The following FCRL3 variants were observed in gnomAD, a reference collection of about 807,000 sequenced individuals.
The protein encoded by FCRL3 is Fc receptor-like protein 3.
In FCRL3, 89 loss-of-function variants were observed where a neutral mutation model predicts 75.0. That is an observed-to-expected ratio of 1.19 (90% confidence interval 1.00 to 1.42). The LOEUF is 1.42. FCRL3 is among the 40% of genes most tolerant of loss of function. FCRL3 has a pLI of 0.00. For synonymous variants in FCRL3, 376 were observed against 348.5 expected, an observed-to-expected ratio of 1.08 and a Z score of -0.88; for missense variants, 946 against 880.0, an observed-to-expected ratio of 1.07 and a Z score of -0.95.
rs181686226 is a variant in FCRL3, at chr1:157,693,190, G to C, written c.1411+2139C>G. Among the ~76,000 whole-genome samples, 1,024 of 148,586 alleles carry C rather than the reference G, an allele frequency of 6.9e-3. 9 individuals carry two copies. Among genetic ancestry groups the C allele is most frequent in the African/African-American group, 0.024 (969 of 40,330 alleles). ...CTGGAGAGGCTGAGGCAGAAGAATC[G>C]CTTGAACCTGGGAGGTGGAGGTTGC... On this transcript the variant is annotated intron_variant, in intron 8 of 14. Transcript: ENST00000368184.
chr1:157,678,466 C>T lies in FCRL3; in HGVS notation c.*244G>A. 2 of 1,362,554 alleles carry T rather than the reference C, an allele frequency of 1.5e-6. No individual in the cohort carries two copies. Among genetic ancestry groups the T allele is most frequent in the Non-Finnish European group, 1.9e-6 (2 of 1,056,116 alleles). The allele number at this position is 1,362,554 out of a possible 1,614,324, so 84.4% of individuals were successfully genotyped here. A position where few individuals can be genotyped will look rare whatever the true frequency, so the allele number is the denominator to read the frequency against. On this transcript the variant is annotated 3_prime_UTR_variant, in exon 15 of 15. Transcript: ENST00000368184. ...ACAGCCCTAGGAGCTGAGGGCCCTC[C>T]TGCCTTGCCACGTGTCTCCACTGTG...
chr1:157,688,226 A>T (rs1655297545), intron 10 of FCRL3, among the ~76,000 whole-genome samples: 2 of 152,218 alleles, frequency 1.3e-5, no homozygotes, highest in South Asian at 4.1e-4. Flanking sequence ...TAGGGGTACA[A>T]ATAGGCTAAA....
At chr1:157,684,477 C>A (rs185138973) in intron 10 of FCRL3, among the ~76,000 whole-genome samples, 6 of 152,226 alleles carry the variant, frequency 3.9e-5, no homozygotes. Context: ...CCACATCAGT[C>A]AATAACCAGT....
At chr1:157,699,501 A>AG (rs1283159309) in intron 3 of FCRL3, among the ~76,000 whole-genome samples, 191 bp downstream of exon 3, 1 of 149,530 alleles carries the variant, frequency 6.7e-6, no homozygotes, top group Non-Finnish European at 1.5e-5. Context: ...TAATGTAGGG[A>AG]GAAAAAAAAA....
rs150760371 is a variant in FCRL3 at position 157,698,502 on chromosome 1, G to C, written c.180C>G (p.His60Gln). 39 of 1,614,018 alleles carry C rather than the reference G, an allele frequency of 2.4e-5. No homozygotes were observed. Among genetic ancestry groups the C allele is most frequent in the Non-Finnish European group, 3.1e-5 (36 of 1,180,028 alleles). ...SLAQGDTYWY[H>Q]DEKLLKIKHD... ...GTTTTATTTTCAACAACTTCTCATC[G>C]TGATACCAATATGTGTCTCCCTGGG... Residue 60 changes from histidine (H) to glutamine (Q), a missense_variant, in exon 4 of 15, where the codon CAC (histidine) becomes CAG (glutamine). Transcript: ENST00000368184.
intron 13 of FCRL3, chr1:157,679,333 A>C: frequency 9.5e-6 from 3 of 314,408 alleles, no homozygotes; most frequent in East Asian, 7.3e-5. Flanking sequence ...ACCCACCCCC[A>C]ATCCACTGCA....
At chr1:157,693,097 G>A (rs1038716687) in intron 8 of FCRL3, among the ~76,000 whole-genome samples, 10 of 151,754 alleles carry the variant, frequency 6.6e-5, no homozygotes, top group Non-Finnish European at 1.3e-4. Flanking sequence ...GCAACATGAC[G>A]AAAACCCGTC....
chr1:157,698,314 C>T (rs1165150479), intron 4 of FCRL3, 70 bp downstream of exon 4: 6 of 1,579,046 alleles, frequency 3.8e-6, no homozygotes. Context: ...CCTAGGATCC[C>T]TGCATTAACC....
At position 157,678,753 on chromosome 1, in the gene FCRL3, T is replaced by C. The variant is rs2282284; in HGVS notation, c.2162A>G (p.Asn721Ser). The C allele has an allele frequency of 0.054, 87,562 of 1,613,992 alleles. 2,539 individuals are homozygous for C. Among genetic ancestry groups the C allele is most frequent in the South Asian group, 0.076 (6,903 of 91,080 alleles). Reference protein sequence around the residue: ...GRAHEEDDEENYENVPRVLLA... With the variant: ...GRAHEEDDEESYENVPRVLLA... ...TAATACACGTGGTACATTCTCATAG[T>C]TTTCTTCATCATCTTCTTCATGGGC... Residue 721 changes from asparagine (N) to serine (S), a missense_variant, in exon 15 of 15, where the codon AAC (asparagine) becomes AGC (serine). By Grantham distance (46) the Asn-to-Ser change is conservative. Coordinates refer to ENST00000368184, the MANE Select transcript of FCRL3 (RefSeq NM_052939.4).
Position 157,696,226 on chromosome 1 carries a change from CTGAA to C in FCRL3, c.942_945del (p.Ser315GlyfsTer13). 6.2e-7 allele frequency: 1 copy of C among 1,614,030 alleles called. No homozygotes were observed. Among genetic ancestry groups the C allele is most frequent in the Non-Finnish European group, 8.5e-7 (1 of 1,180,024 alleles). On this transcript the variant is annotated frameshift_variant, in exon 7 of 15. Coordinates refer to ENST00000368184, the MANE Select transcript of FCRL3 (RefSeq NM_052939.4). LOFTEE classifies it high-confidence loss of function. ...TTGTGCCAGGAGAATGTGACAGTCC[CTGAA>C]CCCTGGGCTACTGAGCAAATAAGGA... is the stretch of plus-strand genomic sequence containing the variant.
intron 10 of FCRL3, among the ~76,000 whole-genome samples, chr1:157,688,916 AT>A (rs1173113085): frequency 4.6e-5 from 7 of 152,170 alleles, no homozygotes; most frequent in Admixed American, 2.0e-4. Context: ...ACTAAAAAAA[AT>A]CTCATTACTA....
Position 157,678,176 on chromosome 1 carries a change from C to CA in FCRL3, c.*533dup. The CA allele has an allele frequency of 1.0e-6, 1 of 986,310 alleles. No homozygotes were observed. The highest frequency in any genetic ancestry group is 1.2e-6 in the Non-Finnish European group (1 of 830,678). The allele number at this position is 986,310 out of a possible 1,614,324, so 61.1% of individuals were successfully genotyped here. On this transcript the variant is annotated 3_prime_UTR_variant, in exon 15 of 15. Transcript: ENST00000368184. ...GGTTGGGAATGTCACCCTGTAAGTA[C>CA]AAAAATACACTTCAGATAGAGTCAC... is the stretch of plus-strand genomic sequence containing the variant.
Position 157,678,687 on chromosome 1 carries a change from T to C in FCRL3, c.*23A>G. On this transcript the variant is annotated 3_prime_UTR_variant, in exon 15 of 15. Transcript: ENST00000368184. ...AAAAAAAATGGTGCAGGCTGTTTCC[T>C]GTGGGCCACTCTGGGTAAGGGGCTA... The C allele has an allele frequency of 1.9e-6, 3 of 1,612,028 alleles. No individual in the cohort carries two copies. The highest frequency in any genetic ancestry group is 1.7e-6 in the Non-Finnish European group (2 of 1,179,828).
rs1459385835 is a variant in FCRL3 at position 157,681,800 on chromosome 1, T to A, written c.1839-701A>T. ...GTCAAATGGTATTTCTACTTCTAGATCCCTGAGGAATCGCCACACTGACTT... is the reference window on the plus strand; with the variant it reads ...GTCAAATGGTATTTCTACTTCTAGAACCCTGAGGAATCGCCACACTGACTT... On this transcript the variant is annotated intron_variant, in intron 11 of 14. Transcript: ENST00000368184. Among the ~76,000 whole-genome samples the A allele has an allele frequency of 5.3e-5, 8 of 152,260 alleles. 1 individual carries two copies. The highest frequency in any genetic ancestry group is 1.9e-4 in the African/African-American group (8 of 41,546).
Position 157,677,672 on chromosome 1 carries a change from T to C in FCRL3, c.*1038A>G. 6 of 880,120 alleles carry C rather than the reference T, an allele frequency of 6.8e-6. No individual in the cohort carries two copies. The highest frequency in any genetic ancestry group is 8.2e-6 in the Non-Finnish European group (6 of 734,324). The allele number at this position is 880,120 out of a possible 1,614,324, so 54.5% of individuals were successfully genotyped here. A position where few individuals can be genotyped will look rare whatever the true frequency, so the allele number is the denominator to read the frequency against. ...AACAGCAATAAAAACAAATGAACTA[T>C]AGCAACACGCAACAATATGGATGAA... On this transcript the variant is annotated 3_prime_UTR_variant, in exon 15 of 15. Coordinates refer to ENST00000368184, the MANE Select transcript of FCRL3 (RefSeq NM_052939.4).
chr1:157,700,377 G>A (rs1656236004), intron 2 of FCRL3, 82 bp downstream of exon 2: 2 of 1,597,646 alleles, frequency 1.3e-6, no homozygotes, highest in Admixed American at 1.7e-5. Context: ...CCAAGTAGAA[G>A]CAGAGATAGA....
intron 7 of FCRL3, 138 bp downstream of exon 7, chr1:157,695,902 T>C (rs1365234339): frequency 7.0e-5 from 34 of 482,438 alleles, no homozygotes; most frequent in East Asian, 2.6e-4. Flanking sequence ...TCTCTCTCTC[T>C]CCCCCTCTCT....
Position 157,698,512 on chromosome 1 carries a change from T to C in FCRL3, c.170A>G (p.Tyr57Cys). Residue 57 changes from tyrosine to cysteine, a missense_variant, in exon 4 of 15, where the codon TAT becomes TGT. Tyr to Cys is a radical substitution (Grantham distance 194). Coordinates refer to ENST00000368184, the MANE Select transcript of FCRL3 (RefSeq NM_052939.4). ...CAACAACTTCTCATCGTGATACCAATATGTGTCTCCCTGGGCTAGGGAATG... is the reference window on the plus strand; with the variant it reads ...CAACAACTTCTCATCGTGATACCAACATGTGTCTCCCTGGGCTAGGGAATG... Reference protein sequence around the residue: ...ISHSLAQGDTYWYHDEKLLKI... With the variant: ...ISHSLAQGDTCWYHDEKLLKI... The C allele has an allele frequency of 6.2e-7, 1 of 1,614,236 alleles. No individual in the cohort carries two copies. The highest frequency in any genetic ancestry group is 8.5e-7 in the Non-Finnish European group (1 of 1,180,036).
In FCRL3 at chr1:157,687,603, A is replaced by T. The variant is rs145927796; in HGVS notation, c.1810+2195T>A. Among the ~76,000 whole-genome samples the T allele has an allele frequency of 5.8e-3, 867 of 150,420 alleles. 7 individuals are homozygous for T. The highest frequency in any genetic ancestry group is 0.02 in the African/African-American group (819 of 40,962). ...ATATACACCATGGAATACTACGCAG[A>T]CATAAAAAAATGAAATCATGTCTTT... On this transcript the variant is annotated intron_variant, in intron 10 of 14. Transcript: ENST00000368184.
Sources: allele counts gnomAD v4.1 joint callset (sites outside exome capture counted in the v4.1 genomes callset), GRCh38; gene constraint gnomAD v4.1.1; transcripts MANE v1.5; gene names NCBI Gene and HGNC (gene_info 2026-07-23, HGNC 2026-07-21).